Variants in OTOGL observed in about 807,000 individuals in gnomAD.
OTOGL encodes otogelin like.
A neutral mutation model predicts 318.5 loss-of-function variants in OTOGL; 285 were observed. The ratio of observed to expected loss-of-function variants is 0.89; its 90% CI spans 0.81 to 0.99. OTOGL has a LOEUF of 0.99. Ranked by LOEUF, OTOGL falls within the 50% of genes least tolerant of loss-of-function variation. The pLI is 0.00. For missense variants in OTOGL, 2,899 were observed against 2,845.6 expected (o/e 1.02, Z -0.43); for synonymous variants, 987 against 936.5 (o/e 1.05, Z -0.99).
intron 1 of OTOGL, among the ~76,000 whole-genome samples, chr12:80,128,623 G>T (rs1487741735): frequency 6.6e-6 from 1 of 152,194 alleles, no homozygotes; most frequent in Non-Finnish European, 1.5e-5. Flanking sequence ...GTTTGGCTAT[G>T]CCCTGCCCAC....
intron 1 of OTOGL, among the ~76,000 whole-genome samples, chr12:80,157,128 C>T (rs768287159): frequency 3.9e-5 from 6 of 151,926 alleles, no homozygotes; most frequent in Non-Finnish European, 8.8e-5. Flanking sequence ...TGGATATAAG[C>T]CATTTAATTG....
At position 80,239,377 on chromosome 12, in the gene OTOGL, G is replaced by A; in HGVS notation, c.990G>A (p.Leu330=). The part of the protein sequence containing the change: ...KCQILLQFPF[L]SCHEYIDPYL... Reference sequence around the variant, plus strand: ...AGATACTGTTGCAGTTTCCTTTTCTGAGCTGCCATGAGTATATCGATCCAT... The same window carrying A: ...AGATACTGTTGCAGTTTCCTTTTCTAAGCTGCCATGAGTATATCGATCCAT... Residue 330 remains leucine, a synonymous_variant, in exon 11 of 59, where the codon CTG becomes CTA. Coordinates refer to ENST00000547103, the MANE Select transcript of OTOGL (RefSeq NM_001378609.3). 6.2e-7 allele frequency: 1 copy of A among 1,610,834 alleles called. No individual in the cohort carries two copies. The highest frequency in any genetic ancestry group is 1.7e-5 in the Admixed American group (1 of 59,488).
chr12:80,152,044 C>T (rs1367758281), intron 1 of OTOGL, among the ~76,000 whole-genome samples: 1 of 152,118 alleles, frequency 6.6e-6, no homozygotes, highest in Non-Finnish European at 1.5e-5. Context: ...GATCTGAGGC[C>T]TCTTTCTACT....
chr12:80,140,983 A>G (rs1871898972), intron 1 of OTOGL, among the ~76,000 whole-genome samples: 1 of 152,182 alleles, frequency 6.6e-6, no homozygotes, highest in Admixed American at 6.6e-5. Context: ...GTAGTGAACA[A>G]AGATTAAATT....
At chr12:80,367,838 A>G (rs1204219202) in intron 54 of OTOGL, 99 bp downstream of exon 54, 2 of 773,456 alleles carry the variant, frequency 2.6e-6, no homozygotes, top group Non-Finnish European at 1.9e-6. Context: ...AGTTTAAAAT[A>G]TATATTATAT....
intron 19 of OTOGL, among the ~76,000 whole-genome samples, chr12:80,264,279 CAGTCAT>C (rs1882777136): frequency 6.6e-6 from 1 of 152,076 alleles, no homozygotes; most frequent in African/African-American, 2.4e-5. Flanking sequence ...TATATCTGAT[CAGTCAT>C]TCTCAAGGGA....
chr12:80,360,392 CT>C (rs1294201830), intron 52 of OTOGL, among the ~76,000 whole-genome samples: 2 of 105,128 alleles, frequency 1.9e-5, no homozygotes, highest in African/African-American at 3.6e-5. Flanking sequence ...CTCTCTCCCC[CT>C]CTCTCCCTGT....
intron 24 of OTOGL, among the ~76,000 whole-genome samples, chr12:80,277,103 TTTATTTA>T (rs1388772599): frequency 2.0e-5 from 3 of 148,984 alleles, no homozygotes; most frequent in Non-Finnish European, 3.0e-5. Context: ...TTAATTTTTA[TTTATTTA>T]TTATTTATTA....
intron 27 of OTOGL, among the ~76,000 whole-genome samples, chr12:80,299,677 A>G: frequency 6.7e-6 from 1 of 150,268 alleles, no homozygotes; most frequent in Middle Eastern, 3.6e-3. Context: ...TATCAAATGT[A>G]TAAGATATAA....
At chr12:80,367,292 A>C (rs1290097245) in intron 53 of OTOGL, among the ~76,000 whole-genome samples, 1 of 152,052 alleles carries the variant, frequency 6.6e-6, no homozygotes, top group Non-Finnish European at 1.5e-5. Flanking sequence ...CATATTCTAA[A>C]CTTGCTATAA....
chr12:80,377,300 G>A lies in OTOGL; in HGVS notation c.6861+98G>A, dbSNP rs559678340. 176 of 760,442 alleles carry A rather than the reference G, an allele frequency of 2.3e-4. No individual in the cohort carries two copies. The Middle Eastern group carries it at 2.5e-3, about 11-fold the overall frequency. The allele number at this position is 760,442 out of a possible 1,614,324, so 47.1% of individuals were successfully genotyped here. A position where few individuals can be genotyped will look rare whatever the true frequency, so the allele number is the denominator to read the frequency against. On this transcript the variant is annotated intron_variant, in intron 58 of 58. Coordinates refer to ENST00000547103, the MANE Select transcript of OTOGL (RefSeq NM_001378609.3). ...GTTTGTAAGCCAACAAACTGCCAACGCTTAACAATATTTAACTGAGATTAT... is the reference window on the plus strand; with the variant it reads ...GTTTGTAAGCCAACAAACTGCCAACACTTAACAATATTTAACTGAGATTAT...
chr12:80,194,668 C>A (rs1046505995), intron 1 of OTOGL, among the ~76,000 whole-genome samples: 3 of 152,150 alleles, frequency 2.0e-5, no homozygotes, highest in African/African-American at 7.2e-5. Context: ...TAACATTATA[C>A]TAGAGAGCGC....
chr12:80,251,505 G>C (rs994364037), intron 11 of OTOGL, among the ~76,000 whole-genome samples, 188 bp from the exon 12 acceptor site: 3 of 152,120 alleles, frequency 2.0e-5, no homozygotes, highest in Non-Finnish European at 4.4e-5. Context: ...ATTAGCTGGG[G>C]ACCCATGCTC....
intron 30 of OTOGL, among the ~76,000 whole-genome samples, chr12:80,312,572 G>A (rs144220905): frequency 6.6e-6 from 1 of 152,050 alleles, no homozygotes; most frequent in Admixed American, 6.5e-5. Flanking sequence ...AAAAGTTTGA[G>A]GACTGCCATA....
Position 80,318,672 on chromosome 12 carries a change from A to G in OTOGL, c.3761A>G (p.Tyr1254Cys). Residue 1254 changes from tyrosine to cysteine, a missense_variant, in exon 33 of 59, where the codon TAT (tyrosine) becomes TGT (cysteine). Around this residue, in one of 3 missense-constraint regions of OTOGL, gnomAD observed 2,607 missense variants for 2,524.9 expected, o/e 1.03. Transcript: ENST00000547103. Reference sequence around the variant, plus strand: ...AGTGTTCATACCAGTTTATTTTTTTATTTTATGATCACTCCAGGCCTTTTC... The same window carrying G: ...AGTGTTCATACCAGTTTATTTTTTTGTTTTATGATCACTCCAGGCCTTTTC... ...RSSVHTSLFF[Y>C]FMITPGLFKE... 1 of 1,437,308 alleles carries G rather than the reference A, an allele frequency of 7.0e-7. No individual in the cohort carries two copies. Among genetic ancestry groups the G allele is most frequent in the Non-Finnish European group, 9.2e-7 (1 of 1,091,218 alleles). 89.0% of individuals were successfully genotyped at this position (1,437,308 alleles called of 1,614,324 possible).
At chr12:80,261,842 A>C in intron 18 of OTOGL, 127 bp from the exon 19 acceptor site, 1 of 1,166,414 alleles carries the variant, frequency 8.6e-7, no homozygotes, top group Non-Finnish European at 1.1e-6. Context: ...TTAAACTGGT[A>C]GAAAATTTCA....
At chr12:80,334,834 T>A (rs555753568) in intron 38 of OTOGL, among the ~76,000 whole-genome samples, 2 of 152,218 alleles carry the variant, frequency 1.3e-5, no homozygotes, top group African/African-American at 4.8e-5. Context: ...GTGGTTCAGA[T>A]GTCTGTGAGG....
At chr12:80,322,529 A>G (rs1245062718) in intron 34 of OTOGL, among the ~76,000 whole-genome samples, 4 of 152,180 alleles carry the variant, frequency 2.6e-5, no homozygotes, top group African/African-American at 4.8e-5. Flanking sequence ...AGATGTATAG[A>G]TGCTTTCCAA....
chr12:80,302,229 C>T (rs1009724753), intron 27 of OTOGL, among the ~76,000 whole-genome samples: 5 of 152,160 alleles, frequency 3.3e-5, no homozygotes, highest in Non-Finnish European at 5.9e-5. Context: ...GAAACATGCG[C>T]AGGAACAAAT....
Sources: allele counts gnomAD v4.1 joint callset (sites outside exome capture counted in the v4.1 genomes callset), GRCh38; gene constraint gnomAD v4.1.1; regional missense constraint gnomAD v4.1.1; transcripts MANE v1.5; gene names NCBI Gene and HGNC (gene_info 2026-07-23, HGNC 2026-07-21).